Variants in EFHC1 observed in about 807,000 individuals in gnomAD.
The protein encoded by EFHC1 is EF-hand domain-containing protein 1.
Under a neutral mutation model 69.9 loss-of-function variants are expected in EFHC1, and 53 were observed. That is an observed-to-expected ratio of 0.76 (90% confidence interval 0.61 to 0.95). The LOEUF (loss-of-function observed/expected upper bound fraction) is 0.95, where lower values mean the gene tolerates loss of function less well. Ranked by LOEUF, EFHC1 falls within the 40% of genes least tolerant of loss-of-function variation. The probability of loss-of-function intolerance (pLI) is 0.00; values close to 1 mark genes in which losing one functional copy is unlikely to be tolerated. For missense variants in EFHC1, 739 were observed against 798.7 expected (o/e 0.93, Z 0.90); for synonymous variants, 256 against 278.4 (o/e 0.92, Z 0.80).
At position 52,423,657 on chromosome 6, in the gene EFHC1, A is replaced by ATTT. The variant is rs59383268; in HGVS notation, c.64-264_64-262dup. On this transcript the variant is annotated intron_variant, in intron 1 of 10. Transcript: ENST00000371068. ...AGGCACAAGCCACCACACCCAGCTA[A>ATTT]TTTTTTTTTTTTTTTTTTTTTTTTT... The ATTT allele has an allele frequency of 1.0e-2, 2,628 of 263,238 alleles. 73 individuals are homozygous for ATTT. The highest frequency in any genetic ancestry group is 0.016 in the African/African-American group (414 of 26,590). The allele number at this position is 263,238 out of a possible 1,614,324, so 16.3% of individuals were successfully genotyped here. A position where few individuals can be genotyped will look rare whatever the true frequency, so the allele number is the denominator to read the frequency against.
intron 1 of EFHC1, among the ~76,000 whole-genome samples, chr6:52,421,374 T>G (rs373619928): frequency 1.3e-5 from 2 of 152,212 alleles, no homozygotes; most frequent in Admixed American, 1.3e-4. Context: ...CAACCTTGTG[T>G]TTTTATTTGC....
At chr6:52,469,914 A>T (rs1195689312) in intron 7 of EFHC1, among the ~76,000 whole-genome samples, 1 of 152,160 alleles carries the variant, frequency 6.6e-6, no homozygotes, top group African/African-American at 2.4e-5. Context: ...TGTGACTAAT[A>T]GTTAAGAGCA....
intron 1 of EFHC1, among the ~76,000 whole-genome samples, chr6:52,423,096 T>G (rs1038417548): frequency 6.6e-6 from 1 of 152,220 alleles, no homozygotes. Context: ...ATCATATTCG[T>G]AAATAAATGG....
At chr6:52,433,299 G>A (rs1310991916) in intron 2 of EFHC1, among the ~76,000 whole-genome samples, 4 of 152,078 alleles carry the variant, frequency 2.6e-5, no homozygotes, top group Non-Finnish European at 5.9e-5. Context: ...TTCTCATTTG[G>A]GTAGACTCTA....
At chr6:52,469,556 T>C in intron 7 of EFHC1, 83 bp downstream of exon 7, 1 of 1,581,564 alleles carries the variant, frequency 6.3e-7, no homozygotes. Flanking sequence ...AAGCTGTAGA[T>C]TAACAGCTGT....
chr6:52,486,644 A>G (rs1390444221), intron 9 of EFHC1: 2 of 152,310 alleles, frequency 1.3e-5, no homozygotes, highest in Admixed American at 6.5e-5. Flanking sequence ...AAATGATCCA[A>G]TGTGGGCTTC....
chr6:52,470,503 A>C (rs574575540), intron 7 of EFHC1, among the ~76,000 whole-genome samples: 21 of 152,322 alleles, frequency 1.4e-4, no homozygotes, highest in Non-Finnish European at 2.5e-4. Flanking sequence ...AGGCAAAAGA[A>C]TTTATTTCTG....
At chr6:52,429,261 C>T (rs954248792) in intron 2 of EFHC1, among the ~76,000 whole-genome samples, 8 of 152,056 alleles carry the variant, frequency 5.3e-5, no homozygotes, top group African/African-American at 1.9e-4. Context: ...TCATGAAACC[C>T]TTGCCTAAGC....
At position 52,492,842 on chromosome 6, in the gene EFHC1, C is replaced by T. The variant is rs1195713206; in HGVS notation, c.*501C>T. ...AGGTTGCCTGAACTTGTCTCAAACT[C>T]ATGAGCTCCAGAAATTCTCCCACCT... On this transcript the variant is annotated 3_prime_UTR_variant, in exon 11 of 11. Transcript: ENST00000371068. 1 of 448,510 alleles carries T rather than the reference C, an allele frequency of 2.2e-6. No individual in the cohort carries two copies. Among genetic ancestry groups the T allele is most frequent in the Non-Finnish European group, 4.5e-6 (1 of 224,392 alleles). 27.8% of individuals were successfully genotyped at this position (448,510 alleles called of 1,614,324 possible).
rs547345406 is a variant in EFHC1 at position 52,457,667 on chromosome 6, C to T, written c.916+3380C>T. ...CAATAGGTGGCAGGTAATATCAAAA[C>T]AGGACATCTTTTGACTTAACAAAAG... On this transcript the variant is annotated intron_variant, in intron 5 of 10. Transcript: ENST00000371068. 2.0e-5 allele frequency among the ~76,000 whole-genome samples: 3 copies of T among 152,276 alleles called. No individual in the cohort carries two copies. In the East Asian group the frequency reaches 5.8e-4, roughly 29 times the overall value.
intron 2 of EFHC1, among the ~76,000 whole-genome samples, chr6:52,435,590 A>T (rs1458017916): frequency 1.3e-5 from 2 of 152,054 alleles, no homozygotes; most frequent in Admixed American, 6.6e-5. Context: ...CTTACTATCA[A>T]TCCAGTCAGA....
At chr6:52,453,945 A>G (rs960927214) in intron 4 of EFHC1, 150 bp from the exon 5 acceptor site, 14 of 1,517,166 alleles carry the variant, frequency 9.2e-6, no homozygotes, top group Non-Finnish European at 1.1e-5. Flanking sequence ...TGTTTGATGA[A>G]TATTTCTTTT....
chr6:52,464,279 A>G (rs560246799), intron 5 of EFHC1, among the ~76,000 whole-genome samples: 1 of 152,322 alleles, frequency 6.6e-6, no homozygotes, highest in East Asian at 1.9e-4. Context: ...TCATCATCTC[A>G]TTGACTGTCC....
At chr6:52,425,654 TC>T (rs759194358) in intron 2 of EFHC1, among the ~76,000 whole-genome samples, 1 of 152,188 alleles carries the variant, frequency 6.6e-6, no homozygotes, top group Non-Finnish European at 1.5e-5. Flanking sequence ...ACTTGGATCA[TC>T]ACAATTTCTA....
At chr6:52,471,409 T>C (rs1765432957) in intron 7 of EFHC1, among the ~76,000 whole-genome samples, 1 of 152,232 alleles carries the variant, frequency 6.6e-6, no homozygotes, top group South Asian at 2.1e-4. Context: ...CATTTTCAGC[T>C]TCAATTTATT....
intron 9 of EFHC1, chr6:52,485,803 T>C (rs542411743): frequency 6.6e-6 from 1 of 152,336 alleles, no homozygotes; most frequent in African/African-American, 2.4e-5. Context: ...ATGTTCCTTA[T>C]ACAGTCTGCA....
intron 2 of EFHC1, among the ~76,000 whole-genome samples, chr6:52,427,214 A>C (rs1465687083): frequency 6.6e-6 from 1 of 152,176 alleles, no homozygotes; most frequent in African/African-American, 2.4e-5. Context: ...TACTGACTGA[A>C]ACACTTCCAT....
chr6:52,435,354 G>A (rs777195881), intron 2 of EFHC1, among the ~76,000 whole-genome samples: 1 of 152,090 alleles, frequency 6.6e-6, no homozygotes, highest in South Asian at 2.1e-4. Flanking sequence ...ATCCTTGAAT[G>A]TTCTGTAATA....
rs1285060614 is a variant in EFHC1, at chr6:52,493,343, ACTCT to A, written c.*1007_*1010del. The A allele has an allele frequency of 1.3e-5, 4 of 309,916 alleles. No homozygotes were observed. Among genetic ancestry groups the A allele is most frequent in the South Asian group, 6.3e-5 (3 of 47,610 alleles). 19.2% of individuals were successfully genotyped at this position (309,916 alleles called of 1,614,324 possible). A position where few individuals can be genotyped will look rare whatever the true frequency, so the allele number is the denominator to read the frequency against. On this transcript the variant is annotated 3_prime_UTR_variant, in exon 11 of 11. Transcript: ENST00000371068. ...ATAATTGTGTGAGCAATTTCTTATA[ACTCT>A]CTCTTTCTCTCTCTCTACATATATA...
Sources: gnomAD v4.1 joint callset for allele counts (sites outside exome capture counted in the v4.1 genomes callset) on GRCh38, gnomAD v4.1.1 for gene constraint, MANE v1.5 for transcripts, NCBI Gene and HGNC (gene_info 2026-07-23, HGNC 2026-07-21) for gene names.